Variants in ODF2 observed in about 807,000 individuals in gnomAD.
The protein encoded by ODF2 is outer dense fiber protein 2.
A neutral mutation model predicts 110.2 loss-of-function variants in ODF2; 47 were observed. The ratio of observed to expected loss-of-function variants is 0.43; its 90% CI spans 0.34 to 0.54. The LOEUF is 0.54. ODF2 is among the 20% of genes least tolerant of loss of function. The pLI, the probability that ODF2 is intolerant of heterozygous loss-of-function variation, is 0.03. For missense variants in ODF2, 812 were observed against 1,054.5 expected, an observed-to-expected ratio of 0.77 and a Z score of 3.19; for synonymous variants, 352 against 397.7, an observed-to-expected ratio of 0.89 and a Z score of 1.37.
chr9:128,473,602 TC>T lies in ODF2; in HGVS notation c.712-7del. On this transcript the variant is annotated splice_region_variant and splice_polypyrimidine_tract_variant and intron_variant, in intron 7 of 20. Coordinates refer to ENST00000604420, the Ensembl canonical transcript of ODF2. The stretch of plus-strand genomic sequence containing the variant: ...CTGCATCTGTAAGACTGGCTACTTG[TC>T]TTCCAGGAGAAACAAATGACCTGCA... 6.2e-7 allele frequency: 1 copy of T among 1,613,092 alleles called. No individual in the cohort carries two copies. The highest frequency in any genetic ancestry group is 8.5e-7 in the Non-Finnish European group (1 of 1,179,626).
At chr9:128,487,774 G>A (rs1384584841) in intron 13 of ODF2, 116 bp from the exon 14 acceptor site, 14 of 1,268,476 alleles carry the variant, frequency 1.1e-5, no homozygotes, top group South Asian at 4.2e-5. Context: ...GTGACAGAGC[G>A]AGACTCCGTC....
chr9:128,481,497 G>T, intron 8 of ODF2, 83 bp from the exon 9 acceptor site: 1 of 1,087,004 alleles, frequency 9.2e-7, no homozygotes, highest in Non-Finnish European at 1.3e-6. Context: ...TACAATTTTT[G>T]GAAAAGGTAA....
intron 8 of ODF2, among the ~76,000 whole-genome samples, chr9:128,478,346 C>T (rs1841754772): frequency 6.6e-6 from 1 of 152,050 alleles, no homozygotes; most frequent in South Asian, 2.1e-4. Context: ...GCCTGTGATC[C>T]TAGCACTTTG....
chr9:128,473,119 A>G lies in ODF2; in HGVS notation c.711+77A>G. Reference sequence around the variant, plus strand: ...CAGCTGCAGGCTGGGCAGGGTCTTTACGCGTCATCAGGCAGACTTTATGAC... The same window carrying G: ...CAGCTGCAGGCTGGGCAGGGTCTTTGCGCGTCATCAGGCAGACTTTATGAC... On this transcript the variant is annotated intron_variant, in intron 7 of 20. Coordinates refer to ENST00000604420, the Ensembl canonical transcript of ODF2. 1.9e-6 allele frequency: 3 copies of G among 1,595,042 alleles called. No homozygotes were observed. The East Asian group carries it at 6.8e-5, about 36-fold the overall frequency.
At position 128,482,846 on chromosome 9, in the gene ODF2, A is replaced by G. The variant is rs1842661823; in HGVS notation, c.946A>G (p.Lys316Glu). ...GCTGTTACTGCTGCAAGACAAGGAC[A>G]AGGAGGTGGAAGAGCTCCTTCAGGA... Residue 316 changes from lysine (K) to glutamate (E), a missense_variant, in exon 10 of 21, where the codon AAG (lysine) becomes GAG (glutamate). Lys to Glu is a moderately conservative substitution (Grantham distance 56). This residue lies in a region of ODF2 where 219 missense variants were observed against 321.3 expected (regional missense o/e 0.68). Coordinates refer to ENST00000604420, the Ensembl canonical transcript of ODF2. 5 of 1,612,970 alleles carry G rather than the reference A, an allele frequency of 3.1e-6. No homozygotes were observed. The South Asian group carries it at 5.5e-5, about 18-fold the overall frequency.
chr9:128,456,296 G>T, intron 1 of ODF2, 41 bp downstream of exon 1: 1 of 1,511,456 alleles, frequency 6.6e-7, no homozygotes, highest in East Asian at 2.7e-5. Flanking sequence ...GCCCTCCGGG[G>T]CACCGCGGGC....
chr9:128,500,534 A>G (rs896163793), downstream of ODF2: 8 of 356,826 alleles, frequency 2.2e-5, no homozygotes, highest in Non-Finnish European at 4.1e-5. Context: ...ATTTTAACTT[A>G]CCATGACTTT....
chr9:128,498,252 C>T (rs1186682350), intron 18 of ODF2, 161 bp from the exon 19 acceptor site: 13 of 1,113,722 alleles, frequency 1.2e-5, no homozygotes, highest in South Asian at 4.3e-5. Flanking sequence ...GTTCTTTGGT[C>T]GCCTTGCTGA....
rs139411320 is a variant in ODF2, at chr9:128,459,599, G to A, written c.65G>A (p.Ser22Asn). The A allele has an allele frequency of 1.4e-5, 23 of 1,613,944 alleles. No individual in the cohort carries two copies. In the African/African-American group the frequency reaches 3.1e-4, roughly 22 times the overall value. The stretch of plus-strand genomic sequence containing the variant: ...TCGTGTGGGAAGAACGGAGTAACGA[G>A]TCTCACGCAGAAAAAGGTCTTGAGA... Residue 22 changes from serine to asparagine, a missense_variant, in exon 3 of 21, where the codon AGT (serine) becomes AAT (asparagine). Around this residue, in one of 5 missense-constraint regions of ODF2, gnomAD observed 121 missense variants for 123.7 expected, o/e 0.98. Transcript: ENST00000604420.
intron 18 of ODF2, among the ~76,000 whole-genome samples, chr9:128,496,601 GC>G (rs1845598016): frequency 6.6e-6 from 1 of 152,256 alleles, no homozygotes; most frequent in African/African-American, 2.4e-5. Flanking sequence ...GGAATCAGAA[GC>G]CCTGGCCTTG....
At chr9:128,456,171 C>T (rs964886649) in exon 1 of ODF2, 3 of 1,549,294 alleles carry the variant, frequency 1.9e-6, no homozygotes, top group East Asian at 2.4e-5. Flanking sequence ...CTGCATCCGC[C>T]GCGGCGTCTC....
intron 8 of ODF2, among the ~76,000 whole-genome samples, chr9:128,480,862 A>G (rs1842264760): frequency 6.6e-6 from 1 of 152,026 alleles, no homozygotes; most frequent in African/African-American, 2.4e-5. Flanking sequence ...TAAATACAAT[A>G]TGATATTATT....
At chr9:128,482,382 C>T (rs926882441) in intron 9 of ODF2, among the ~76,000 whole-genome samples, 1 of 152,116 alleles carries the variant, frequency 6.6e-6, no homozygotes, top group African/African-American at 2.4e-5. Flanking sequence ...TAACTTGAAC[C>T]GTCAAGCAGC....
In ODF2 at chr9:128,491,606, T is replaced by C. The variant is rs138764977; in HGVS notation, c.1537-820T>C. 9.4e-3 allele frequency among the ~76,000 whole-genome samples: 1,419 copies of C among 151,634 alleles called. 28 individuals carry two copies. Among genetic ancestry groups the C allele is most frequent in the East Asian group, 0.068 (338 of 4,948 alleles). On this transcript the variant is annotated intron_variant, in intron 14 of 20. Transcript: ENST00000604420. ...TTGAACCTGGGAGGTGGAGGTTGCA[T>C]TGAGCCAAGGTTGTGCCTTTGCACT...
At chr9:128,493,384 C>T (rs900441998) in intron 16 of ODF2, among the ~76,000 whole-genome samples, 12 of 152,154 alleles carry the variant, frequency 7.9e-5, no homozygotes, top group Admixed American at 7.2e-4. Context: ...AATACTCTGT[C>T]TCAAAACAAA....
intron 4 of ODF2, among the ~76,000 whole-genome samples, chr9:128,466,090 G>A (rs61564752): frequency 1.3e-5 from 2 of 151,776 alleles, no homozygotes; most frequent in South Asian, 4.2e-4. Context: ...AGGGAGCCAA[G>A]ATCGCGCCCC....
At chr9:128,483,780 G>T (rs1842862451) in intron 10 of ODF2, among the ~76,000 whole-genome samples, 158 bp from the exon 11 acceptor site, 1 of 151,926 alleles carries the variant, frequency 6.6e-6, no homozygotes, top group Non-Finnish European at 1.5e-5. Flanking sequence ...CAGCTACTCA[G>T]GAGGCTGAGG....
At chr9:128,492,305 A>G (rs1039822414) in intron 14 of ODF2, 121 bp from the exon 15 acceptor site, 12 of 700,626 alleles carry the variant, frequency 1.7e-5, no homozygotes, top group Middle Eastern at 2.7e-4. Flanking sequence ...TCTCAGGGAA[A>G]GTGCTCTGTG....
At chr9:128,471,805 C>T (rs1038290684) in intron 6 of ODF2, among the ~76,000 whole-genome samples, 11 of 152,042 alleles carry the variant, frequency 7.2e-5, no homozygotes, top group African/African-American at 2.7e-4. Flanking sequence ...TCAGTGGGAA[C>T]ATCTTATGCG....
Sources: allele counts gnomAD v4.1 joint callset (sites outside exome capture counted in the v4.1 genomes callset), GRCh38; gene constraint gnomAD v4.1.1; regional missense constraint gnomAD v4.1.1; transcripts MANE v1.5; gene names NCBI Gene and HGNC (gene_info 2026-07-23, HGNC 2026-07-21).